VPS13C: variants seen among roughly 807,000 people sequenced by gnomAD.
VPS13C encodes the protein intermembrane lipid transfer protein VPS13C.
VPS13C carries 358 observed loss-of-function variants against 456.8 expected under a neutral mutation model. The observed-to-expected ratio is 0.78, with a 90% CI of 0.72 to 0.86. The LOEUF is 0.86. VPS13C is among the 40% of genes least tolerant of loss of function. The pLI, the probability that VPS13C is intolerant of heterozygous loss-of-function variation, is 0.00. For synonymous variants in VPS13C, 1,578 were observed against 1,486.7 expected, an observed-to-expected ratio of 1.06 and a Z score of -1.41; for missense variants, 4,818 against 4,385.4, an observed-to-expected ratio of 1.10 and a Z score of -2.79.
At chr15:61,963,696 G>A (rs1005883726) in intron 32 of VPS13C, 139 bp downstream of exon 32, 3 of 632,668 alleles carry the variant, frequency 4.7e-6, no homozygotes, top group African/African-American at 3.7e-5. Flanking sequence ...CCAAATAGAG[G>A]AAGCATACAA....
intron 66 of VPS13C, among the ~76,000 whole-genome samples, chr15:61,894,351 C>T (rs1468310563): frequency 6.7e-6 from 1 of 149,406 alleles, no homozygotes; most frequent in Non-Finnish European, 1.5e-5. Flanking sequence ...AATCCTGTAA[C>T]AAAATGGCAG....
intron 58 of VPS13C, among the ~76,000 whole-genome samples, chr15:61,918,833 T>G (rs1300487714): frequency 6.6e-6 from 1 of 152,062 alleles, no homozygotes; most frequent in Non-Finnish European, 1.5e-5. Flanking sequence ...ACCTTAAAAG[T>G]AGAAAAAATA....
chr15:61,911,153 A>T (rs2043291271), intron 63 of VPS13C, among the ~76,000 whole-genome samples: 1 of 152,174 alleles, frequency 6.6e-6, no homozygotes, highest in Non-Finnish European at 1.5e-5. Flanking sequence ...TTTGGTTGAA[A>T]ATTCAGTCAA....
chr15:62,048,409 C>T (rs1342267963), intron 1 of VPS13C, among the ~76,000 whole-genome samples: 1 of 152,024 alleles, frequency 6.6e-6, no homozygotes, highest in African/African-American at 2.4e-5. Flanking sequence ...CAGTTTCATC[C>T]ATGTCCCTAC....
intron 30 of VPS13C, 42 bp downstream of exon 30, chr15:61,966,041 T>C (rs181748489): frequency 9.3e-6 from 14 of 1,502,426 alleles, no homozygotes; most frequent in Non-Finnish European, 1.3e-5. Context: ...TGAGACTAGG[T>C]TATTTTCAAA....
rs1283513969 is a variant in VPS13C, at chr15:61,984,869, G to C, written c.1709C>G (p.Ala570Gly). The C allele has an allele frequency of 6.2e-7, 1 of 1,612,964 alleles. No individual in the cohort carries two copies. ...LGTQVSQRPG[A>G]QALKVEAKLE... ...TTTAAAAACTTACTTAAGTGCTTGT[G>C]CTCCTGGTCGCTGAGATACTTGAGT... The change falls in exon 19 of 85, where the codon GCA (alanine) becomes GGA (glycine). Residue 570 changes from alanine to glycine, a missense_variant. Physicochemically the swap from Ala to Gly is moderately conservative, Grantham distance 60 (BLOSUM62 0). This residue lies in a region of VPS13C where 4,552 missense variants were observed against 4,130.6 expected (regional missense o/e 1.10). Coordinates refer to ENST00000644861, the MANE Select transcript of VPS13C (RefSeq NM_020821.3).
At chr15:61,950,020 A>C (rs1046276959) in intron 41 of VPS13C, among the ~76,000 whole-genome samples, 1 of 152,208 alleles carries the variant, frequency 6.6e-6, no homozygotes, top group Non-Finnish European at 1.5e-5. Flanking sequence ...TCCTAACGCC[A>C]ATACATAATT....
At chr15:62,054,492 G>A (rs2048724875) in intron 1 of VPS13C, among the ~76,000 whole-genome samples, 1 of 152,096 alleles carries the variant, frequency 6.6e-6, no homozygotes. Context: ...AACAACACAT[G>A]TTCTCATTCA....
Position 61,977,090 on chromosome 15 carries a change from T to G in VPS13C, c.2400A>C (p.Arg800Ser), listed in dbSNP as rs76341351. 2.3e-4 allele frequency: 369 copies of G among 1,596,346 alleles called. 4 individuals carry two copies. In the East Asian group the frequency reaches 8.0e-3, roughly 35 times the overall value. ...AGAAGTTTATACATTACCTGGCCAT[T>G]CTAATGTCTTTTTCTACCATGGCCT... ...LAKAMVEKDI[R>S]MARFKVSGGL... Residue 800 changes from arginine to serine, a missense_variant, in exon 24 of 85, where the codon AGA becomes AGC. Physicochemically the swap from Arg to Ser is moderately radical, Grantham distance 110. Transcript: ENST00000644861.
At chr15:61,916,744 T>G (rs2043483768) in intron 60 of VPS13C, among the ~76,000 whole-genome samples, 1 of 152,124 alleles carries the variant, frequency 6.6e-6, no homozygotes, top group South Asian at 2.1e-4. Flanking sequence ...CATATACCAT[T>G]ACTAGAAAAT....
chr15:62,041,336 C>T lies in VPS13C; in HGVS notation c.175G>A (p.Ala59Thr). ...SELDVPFKVK[A>T]GQIDKLTLKI... ...CTAAAGTACTTACCAATTTGGCCAG[C>T]CTTGACTTTAAAAGGAACATCCAAT... The change falls in exon 3 of 85, where the codon GCT becomes ACT. Residue 59 changes from alanine (A) to threonine (T), a missense_variant. By Grantham distance (58) the Ala-to-Thr change is moderately conservative. Transcript: ENST00000644861. The T allele has an allele frequency of 1.2e-6, 2 of 1,607,002 alleles. No homozygotes were observed. The highest frequency in any genetic ancestry group is 1.7e-6 in the Non-Finnish European group (2 of 1,178,314).
rs758735414 is a variant in VPS13C at position 61,878,678 on chromosome 15, T to C, written c.10071A>G (p.Ala3357=). The C allele has an allele frequency of 6.8e-6, 11 of 1,611,846 alleles. 1 individual carries two copies. The highest frequency in any genetic ancestry group is 3.3e-4 in the Middle Eastern group (2 of 6,046). The change falls in exon 74 of 85, where the codon GCA becomes GCG. Residue 3357 remains alanine, a synonymous_variant. Transcript: ENST00000644861. ...TCAACAGCAAGTTGACAGAATGAAC[T>C]GCAAACATTTCCTGTTTTTCTTTGT... ...ESDKEKQEMF[A]VHSVNLLLKS... is the part of the protein sequence containing the mutation.
rs1177623701 is a variant in VPS13C, at chr15:61,867,483, G to A, written c.10863+1176C>T. 1.0e-6 allele frequency: 1 copy of A among 988,276 alleles called. No homozygotes were observed. Among genetic ancestry groups the A allele is most frequent in the East Asian group, 1.1e-4 (1 of 8,904 alleles). The allele number at this position is 988,276 out of a possible 1,614,324, so 61.2% of individuals were successfully genotyped here. On this transcript the variant is annotated intron_variant, in intron 81 of 84. Coordinates refer to ENST00000644861, the MANE Select transcript of VPS13C (RefSeq NM_020821.3). This position sits in a 1 kb window ranked among gnomAD's most constrained non-coding sequence, Gnocchi z 5.0. ...TAGTCCCGTAACTTAAGCAAATTTA[G>A]AGCCATTTGTGAAACAGAAAGCTAT...
At chr15:61,964,657 T>C (rs766304794) in intron 31 of VPS13C, 42 bp downstream of exon 31, 1 of 1,552,162 alleles carries the variant, frequency 6.4e-7, no homozygotes, top group Non-Finnish European at 8.7e-7. Flanking sequence ...TTTAGAATTC[T>C]AAAACCCTTG....
intron 2 of VPS13C, among the ~76,000 whole-genome samples, chr15:62,042,808 C>T (rs913970154): frequency 6.6e-6 from 1 of 151,666 alleles, no homozygotes; most frequent in Admixed American, 6.6e-5. Context: ...GGAGATATAC[C>T]TAATGTAAAT....
rs772717076 is a variant in VPS13C at position 62,033,537 on chromosome 15, T to C, written c.289A>G (p.Lys97Glu). ...YLLVVPGASIKYDAVKEEKSL... is the reference protein window; with the variant it reads ...YLLVVPGASIEYDAVKEEKSL... ...TTTTCTTCTTTTACAGCATCATACT[T>C]AATACCTAAAAATATACAGTCAATT... The change falls in exon 5 of 85, where the codon AAG (lysine) becomes GAG (glutamate). Residue 97 changes from lysine (K) to glutamate (E), a missense_variant. By Grantham distance (56) the Lys-to-Glu change is moderately conservative. Coordinates refer to ENST00000644861, the MANE Select transcript of VPS13C (RefSeq NM_020821.3). The C allele has an allele frequency of 1.3e-6, 2 of 1,585,450 alleles. No individual in the cohort carries two copies. The highest frequency in any genetic ancestry group is 1.7e-6 in the Non-Finnish European group (2 of 1,162,844).
intron 53 of VPS13C, among the ~76,000 whole-genome samples, chr15:61,924,231 G>A (rs2043766363): frequency 1.3e-5 from 2 of 152,192 alleles, no homozygotes; most frequent in East Asian, 1.9e-4. Context: ...AGTTCTGTCT[G>A]GATAAACCTT....
chr15:62,023,566 T>C (rs764122227), intron 7 of VPS13C, 46 bp from the exon 8 acceptor site: 10 of 1,402,276 alleles, frequency 7.1e-6, no homozygotes, highest in Non-Finnish European at 2.9e-6. Flanking sequence ...GAAATTCTCA[T>C]ATACCTCAAA....
rs750879186 is a variant in VPS13C, at chr15:61,959,514, A to G, written c.3990T>C (p.Asn1330=). ...CCTTGTGGTACCAAGATGCAGCTAG[A>G]TTCCGATTTACAAGAAATTCCAAGT... is the stretch of plus-strand genomic sequence containing the variant. ...PINLEFLVNR[N]LAASWYHKVP... Residue 1330 remains asparagine, a synonymous_variant, in exon 36 of 85, where the codon AAT becomes AAC. Transcript: ENST00000644861. 8.1e-6 allele frequency: 13 copies of G among 1,613,228 alleles called. No homozygotes were observed. The highest frequency in any genetic ancestry group is 1.7e-5 in the Admixed American group (1 of 59,958).
Sources: gnomAD v4.1 joint callset for allele counts (sites outside exome capture counted in the v4.1 genomes callset) on GRCh38, gnomAD v4.1.1 for gene constraint, gnomAD v4.1.1 regional missense constraint, Gnocchi (gnomAD v3.1) non-coding constraint, MANE v1.5 for transcripts, NCBI Gene and HGNC (gene_info 2026-07-23, HGNC 2026-07-21) for gene names.